Variants in RBFOX1 observed in about 807,000 individuals in gnomAD.
RBFOX1 encodes RNA binding fox-1 homolog 1, also known as RNA binding protein fox-1 homolog 1.
RBFOX1 carries 8 observed loss-of-function variants against 57.7 expected under a neutral mutation model. That is an observed-to-expected ratio of 0.14 (90% CI 0.08 to 0.25). The LOEUF (loss-of-function observed/expected upper bound fraction) is 0.25, where lower values mean the gene tolerates loss of function less well. Among genes scored for constraint, RBFOX1 ranks in the 10% least tolerant of loss-of-function variants. The probability of loss-of-function intolerance (pLI) is 1.00; values close to 1 mark genes in which losing one functional copy is unlikely to be tolerated. For missense variants in RBFOX1, 611 were observed against 548.5 expected, an observed-to-expected ratio of 1.11 and a Z score of -1.14; for synonymous variants, 326 against 222.4, an observed-to-expected ratio of 1.47 and a Z score of -4.15.
intron 4 of RBFOX1, among the ~76,000 whole-genome samples, chr16:5,920,074 C>T (rs557914960): frequency 6.6e-6 from 1 of 152,298 alleles, no homozygotes; most frequent in African/African-American, 2.4e-5. Context: ...GCGGGGACTA[C>T]AGGCGCCCGC....
At position 6,661,465 on chromosome 16, in the gene RBFOX1, T is replaced by A. The variant is rs954826057; in HGVS notation, c.-16+6815T>A. On this transcript the variant is annotated intron_variant, in intron 3 of 15. Coordinates refer to ENST00000550418, the MANE Select transcript of RBFOX1 (RefSeq NM_018723.4). Reference sequence around the variant, plus strand: ...GGTAGCAGGTTATGGAGGGAATAGTTTATCAGGCCAATGCATTAGGGTTCT... The same window carrying A: ...GGTAGCAGGTTATGGAGGGAATAGTATATCAGGCCAATGCATTAGGGTTCT... Among the ~76,000 whole-genome samples, 50 of 152,258 alleles carry A rather than the reference T, an allele frequency of 3.3e-4. 1 individual carries two copies. Among genetic ancestry groups the A allele is most frequent in the African/African-American group, 1.2e-3 (49 of 41,560 alleles).
chr16:7,515,969 G>A (rs974304907), intron 4 of RBFOX1, among the ~76,000 whole-genome samples: 2 of 152,136 alleles, frequency 1.3e-5, no homozygotes, highest in Non-Finnish European at 2.9e-5. Flanking sequence ...CTCAGTCTCC[G>A]GAGTAGCTAA....
chr16:7,341,756 T>TCCTTCCCTCCCTCCC, intron 4 of RBFOX1, among the ~76,000 whole-genome samples: 1 of 58,112 alleles, frequency 1.7e-5, no homozygotes, highest in Admixed American at 2.6e-4. Context: ...CCCTCCCTCC[T>TCCTTCCCTCCCTCCC]TCCCTCCTTC....
intron 1 of RBFOX1, among the ~76,000 whole-genome samples, chr16:6,141,714 AATTAATTTCATTTTTCTCC>A (rs2096717457): frequency 6.6e-6 from 1 of 152,130 alleles, no homozygotes; most frequent in Non-Finnish European, 1.5e-5. Flanking sequence ...TTTCTTTTAA[AATTAATTTCATTTTTCTCC>A]ATTGTGTAAT....
chr16:6,147,618 T>A (rs2096768306), intron 1 of RBFOX1, among the ~76,000 whole-genome samples: 1 of 152,054 alleles, frequency 6.6e-6, no homozygotes, highest in Non-Finnish European at 1.5e-5. Flanking sequence ...AGAAATTGAT[T>A]TTCAAGATGC....
At chr16:6,219,761 A>C (rs1306676775) in intron 1 of RBFOX1, among the ~76,000 whole-genome samples, 1 of 152,170 alleles carries the variant, frequency 6.6e-6, no homozygotes, top group Non-Finnish European at 1.5e-5. Context: ...CAGTAATCCC[A>C]GCTACTCAGG....
At chr16:5,854,074 T>C (rs1403917665) in intron 3 of RBFOX1, among the ~76,000 whole-genome samples, 1 of 152,230 alleles carries the variant, frequency 6.6e-6, no homozygotes, top group East Asian at 1.9e-4. Context: ...AAGAACTGTA[T>C]TCTTTAAGGT....
At chr16:5,805,004 GC>G (rs1183993699) in intron 3 of RBFOX1, among the ~76,000 whole-genome samples, 1 of 152,096 alleles carries the variant, frequency 6.6e-6, no homozygotes, top group Non-Finnish European at 1.5e-5. Flanking sequence ...AGTGCAAAGG[GC>G]TGCTGTGACT....
chr16:7,025,798 G>A (rs1281433484), intron 3 of RBFOX1, among the ~76,000 whole-genome samples: 1 of 152,138 alleles, frequency 6.6e-6, no homozygotes, highest in African/African-American at 2.4e-5. Flanking sequence ...AGATGGCGCT[G>A]CAGGGATTCA....
intron 2 of RBFOX1, chr16:5,467,331 C>G: frequency 7.3e-7 from 1 of 1,368,164 alleles, no homozygotes; most frequent in Non-Finnish European, 1.0e-6. Context: ...AATCTTGCGT[C>G]ACAGCCCTGC....
At chr16:5,534,673 AGG>A (rs1239821820) in intron 2 of RBFOX1, among the ~76,000 whole-genome samples, 1 of 152,146 alleles carries the variant, frequency 6.6e-6, no homozygotes, top group Non-Finnish European at 1.5e-5. Flanking sequence ...ACTCACACTG[AGG>A]GTGGGTCTTC....
chr16:7,523,456 C>G (rs938690172), intron 5 of RBFOX1, among the ~76,000 whole-genome samples: 1 of 152,164 alleles, frequency 6.6e-6, no homozygotes, highest in African/African-American at 2.4e-5. Context: ...GATTCCTGAA[C>G]TTGGGCAAAC....
At chr16:6,257,985 T>G (rs966006833) in intron 1 of RBFOX1, among the ~76,000 whole-genome samples, 3 of 152,174 alleles carry the variant, frequency 2.0e-5, no homozygotes, top group Non-Finnish European at 4.4e-5. Context: ...TTTTTGGTCT[T>G]TGAGGAATCG....
chr16:6,784,630 T>C (rs2081609762), intron 3 of RBFOX1, among the ~76,000 whole-genome samples: 1 of 152,138 alleles, frequency 6.6e-6, no homozygotes, highest in South Asian at 2.1e-4. Context: ...CTTTATTTAG[T>C]CCATTTGGTG....
intron 4 of RBFOX1, among the ~76,000 whole-genome samples, chr16:5,975,546 C>G (rs1184186307): frequency 2.6e-5 from 4 of 152,154 alleles, no homozygotes; most frequent in African/African-American, 7.2e-5. Context: ...CCTTTATAAG[C>G]TGTTTTCACA....
At chr16:7,230,239 G>C (rs372393922) in intron 4 of RBFOX1, among the ~76,000 whole-genome samples, 90 of 152,080 alleles carry the variant, frequency 5.9e-4, no homozygotes, top group African/African-American at 2.1e-3. Context: ...GGGAAATGAT[G>C]ACTAGTAAAA....
intron 3 of RBFOX1, among the ~76,000 whole-genome samples, chr16:6,881,541 G>A (rs1311889449): frequency 6.6e-6 from 1 of 152,090 alleles, no homozygotes; most frequent in East Asian, 1.9e-4. Context: ...GCATGTCTGT[G>A]TCCAAACATG....
chr16:6,180,943 G>A (rs574713472), intron 1 of RBFOX1, among the ~76,000 whole-genome samples: 1 of 152,160 alleles, frequency 6.6e-6, no homozygotes, highest in Non-Finnish European at 1.5e-5. Flanking sequence ...AATCAGCTAA[G>A]ATTGTGTTCA....
At chr16:5,379,586 G>C (rs2066078692) in intron 1 of RBFOX1, among the ~76,000 whole-genome samples, 1 of 152,208 alleles carries the variant, frequency 6.6e-6, no homozygotes, top group Admixed American at 6.5e-5. Flanking sequence ...ACTGGGCTCT[G>C]CTACTTAATC....
Sources: allele counts gnomAD v4.1 joint callset (sites outside exome capture counted in the v4.1 genomes callset), GRCh38; gene constraint gnomAD v4.1.1; transcripts MANE v1.5; gene names NCBI Gene and HGNC (gene_info 2026-07-23, HGNC 2026-07-21).